STX2: variants seen among roughly 807,000 people sequenced by gnomAD.
The protein encoded by STX2 is syntaxin 2, also known as syntaxin-2.
Under a neutral mutation model 40.6 loss-of-function variants are expected in STX2, and 27 were observed. That is an observed-to-expected ratio of 0.66 (90% confidence interval 0.49 to 0.92). STX2 has a LOEUF of 0.92. Ranked by LOEUF, STX2 falls within the 40% of genes least tolerant of loss-of-function variation. The pLI is 0.00. For missense variants in STX2, 328 were observed against 366.1 expected, an observed-to-expected ratio of 0.90 and a Z score of 0.85; for synonymous variants, 123 against 119.1, an observed-to-expected ratio of 1.03 and a Z score of -0.22.
At chr12:130,796,756 G>A (rs1234448583) in intron 9 of STX2, among the ~76,000 whole-genome samples, 1 of 152,154 alleles carries the variant, frequency 6.6e-6, no homozygotes, top group Non-Finnish European at 1.5e-5. Context: ...CTCAGTGACG[G>A]AGAGCCCCAC....
intron 6 of STX2, among the ~76,000 whole-genome samples, chr12:130,801,883 T>C (rs1326676920): frequency 6.6e-6 from 1 of 152,232 alleles, no homozygotes; most frequent in East Asian, 1.9e-4. Flanking sequence ...GAGAGTCAGA[T>C]GCCTGAACAC....
Position 130,789,885 on chromosome 12 carries a change from A to G in STX2, c.*2138T>C, listed in dbSNP as rs1228770801. On this transcript the variant is annotated 3_prime_UTR_variant, in exon 11 of 11. Transcript: ENST00000392373. The stretch of plus-strand genomic sequence containing the variant: ...ATAGCATTTTCCTAACTTCAACTAT[A>G]AAAACACAAATTTCAGTAGGTACTG... 8 of 152,274 alleles carry G rather than the reference A, an allele frequency of 5.3e-5. No individual in the cohort carries two copies. Among genetic ancestry groups the G allele is most frequent in the Non-Finnish European group, 4.4e-5 (3 of 68,036 alleles). 9.4% of individuals were successfully genotyped at this position (152,274 alleles called of 1,614,324 possible).
chr12:130,810,958 T>C (rs1450423358), intron 4 of STX2: 2 of 152,210 alleles, frequency 1.3e-5, no homozygotes, highest in South Asian at 4.1e-4. Flanking sequence ...TTCAGTAAGC[T>C]CTGCTGTCCT....
chr12:130,792,448 T>C (rs1258599480), intron 10 of STX2, among the ~76,000 whole-genome samples: 1 of 152,206 alleles, frequency 6.6e-6, no homozygotes, highest in East Asian at 1.9e-4. Context: ...GAATTTCTTG[T>C]TGGCTGAAAA....
At chr12:130,821,913 C>T in intron 2 of STX2, 125 bp from the exon 3 acceptor site, 3 of 599,430 alleles carry the variant, frequency 5.0e-6, no homozygotes, top group Non-Finnish European at 8.7e-6. Context: ...AAAGCCTCTC[C>T]CATTCTCACA....
chr12:130,803,682 A>C (rs1005784117), intron 6 of STX2, among the ~76,000 whole-genome samples: 14 of 128,046 alleles, frequency 1.1e-4, no homozygotes, highest in Admixed American at 2.6e-4. Context: ...AAAAAAAAAA[A>C]AAAAAAACAA....
At chr12:130,813,183 C>A in intron 3 of STX2, 152 bp from the exon 4 acceptor site, 1 of 481,704 alleles carries the variant, frequency 2.1e-6, no homozygotes, top group East Asian at 3.8e-5. Flanking sequence ...CAGTGGTTCT[C>A]AAGGTGGGTC....
chr12:130,801,029 A>T, intron 8 of STX2, 124 bp downstream of exon 8: 1 of 1,112,670 alleles, frequency 9.0e-7, no homozygotes, highest in Non-Finnish European at 1.2e-6. Flanking sequence ...CACTGCAATT[A>T]ACCTGAATTT....
chr12:130,798,391 T>C, intron 9 of STX2, 134 bp downstream of exon 9: 1 of 545,464 alleles, frequency 1.8e-6, no homozygotes, highest in Non-Finnish European at 2.9e-6. Context: ...AAAAAATTAT[T>C]TCCATTTTAA....
chr12:130,791,775 A>T lies in STX2; in HGVS notation c.*248T>A. The T allele has an allele frequency of 1.2e-6, 1 of 837,472 alleles. No homozygotes were observed. Among genetic ancestry groups the T allele is most frequent in the Non-Finnish European group, 2.0e-6 (1 of 508,838 alleles). 51.9% of individuals were successfully genotyped at this position (837,472 alleles called of 1,614,324 possible). On this transcript the variant is annotated 3_prime_UTR_variant, in exon 11 of 11. Transcript: ENST00000392373. ...TTGTGCTTCTTCCGTGAACTCATACATTACAAGGTCAGCACTCGATGCCGG... is the reference window on the plus strand; with the variant it reads ...TTGTGCTTCTTCCGTGAACTCATACTTTACAAGGTCAGCACTCGATGCCGG...
intron 8 of STX2, 109 bp downstream of exon 8, chr12:130,801,044 G>A: frequency 3.1e-6 from 4 of 1,285,410 alleles, no homozygotes; most frequent in Non-Finnish European, 4.2e-6. Flanking sequence ...GAATTTGGTG[G>A]ATCCAAAATA....
chr12:130,814,802 A>C (rs1826293557), intron 3 of STX2, among the ~76,000 whole-genome samples: 1 of 151,814 alleles, frequency 6.6e-6, no homozygotes, highest in Non-Finnish European at 1.5e-5. Context: ...ACACCCAGCT[A>C]ATTTTTGTAT....
chr12:130,839,005 C>T, intron 1 of STX2, 65 bp downstream of exon 1: 3 of 1,256,068 alleles, frequency 2.4e-6, no homozygotes, highest in Non-Finnish European at 3.0e-6. Flanking sequence ...ACGCCCCGAG[C>T]CCCCGCCCGC....
chr12:130,812,983 G>C lies in STX2; in HGVS notation c.254C>G (p.Ala85Gly), dbSNP rs140606447. ...CTTTAACTTGGCTCGAATTTTATTC[G>C]CAGTTTTCTTGATTTCTTTGTTCAG... Reference protein sequence around the residue: ...EDLNKEIKKTANKIRAKLKAI... With the variant: ...EDLNKEIKKTGNKIRAKLKAI... The change falls in exon 4 of 11, where the codon GCG (alanine) becomes GGG (glycine). Residue 85 changes from alanine (A) to glycine (G), a missense_variant. Coordinates refer to ENST00000392373, the MANE Select transcript of STX2 (RefSeq NM_194356.4). 10 of 1,548,216 alleles carry C rather than the reference G, an allele frequency of 6.5e-6. No homozygotes were observed. Among genetic ancestry groups the C allele is most frequent in the Non-Finnish European group, 7.8e-6 (9 of 1,154,974 alleles).
intron 1 of STX2, among the ~76,000 whole-genome samples, chr12:130,830,375 C>G (rs953113364): frequency 9.2e-5 from 14 of 152,190 alleles, no homozygotes; most frequent in Admixed American, 5.9e-4. Context: ...AGGCTCAACC[C>G]TCCTCTCCCA....
chr12:130,798,435 A>G, intron 9 of STX2, 90 bp downstream of exon 9: 1 of 735,918 alleles, frequency 1.4e-6, no homozygotes, highest in Non-Finnish European at 2.1e-6. Context: ...ATTTCTTGGA[A>G]TACCTTTTAG....
At chr12:130,826,913 G>A (rs796127519) in intron 2 of STX2, among the ~76,000 whole-genome samples, 19 of 151,866 alleles carry the variant, frequency 1.3e-4, no homozygotes, top group African/African-American at 4.6e-4. Context: ...GGAGGCTGAC[G>A]CAAGAGAATC....
intron 3 of STX2, among the ~76,000 whole-genome samples, chr12:130,814,490 G>A (rs993410902): frequency 5.9e-5 from 9 of 151,994 alleles, no homozygotes; most frequent in Non-Finnish European, 7.4e-5. Context: ...AGTGACTGGC[G>A]TGGGAGGAGG....
intron 2 of STX2, among the ~76,000 whole-genome samples, chr12:130,825,621 T>C (rs1315451011): frequency 1.3e-5 from 2 of 152,238 alleles, no homozygotes. Context: ...TTCCTTTAAA[T>C]AACAGTAGCA....
Sources: allele counts gnomAD v4.1 joint callset (sites outside exome capture counted in the v4.1 genomes callset), GRCh38; gene constraint gnomAD v4.1.1; transcripts MANE v1.5; gene names NCBI Gene and HGNC (gene_info 2026-07-23, HGNC 2026-07-21).